PHKA1: variants seen among roughly 807,000 people sequenced by gnomAD.
PHKA1 encodes phosphorylase b kinase regulatory subunit alpha, skeletal muscle isoform.
PHKA1 carries 60 observed loss-of-function variants against 110.2 expected under a neutral mutation model. The observed-to-expected ratio is 0.54, with a 90% CI of 0.44 to 0.68. The LOEUF (loss-of-function observed/expected upper bound fraction) is 0.68, where lower values mean the gene tolerates loss of function less well. PHKA1 is among the 30% of genes least tolerant of loss of function. PHKA1 has a pLI of 0.00. For missense variants in PHKA1, 801 were observed against 942.5 expected, an observed-to-expected ratio of 0.85 and a Z score of 1.97; for synonymous variants, 316 against 333.6, an observed-to-expected ratio of 0.95 and a Z score of 0.58.
intron 21 of PHKA1, among the ~76,000 whole-genome samples, chrX:72,612,515 C>T (rs2052826807): frequency 8.9e-6 from 1 of 112,160 alleles, no homozygotes; most frequent in Non-Finnish European, 1.9e-5. Flanking sequence ...TGATAAATTT[C>T]ACACACGTGA....
In PHKA1 at chrX:72,652,523, A is replaced by C. The variant is rs782754267; in HGVS notation, c.1245+21T>G. 2.6e-5 allele frequency: 23 copies of C among 894,967 alleles called. No homozygotes were observed. The African/African-American group carries it at 3.5e-4, about 14-fold the overall frequency. 73.8% of individuals were successfully genotyped at this position (894,967 alleles called of 1,213,427 possible). A position where few individuals can be genotyped will look rare whatever the true frequency, so the allele number is the denominator to read the frequency against. On this transcript the variant is annotated intron_variant, in intron 12 of 31. Coordinates refer to ENST00000373542, the MANE Select transcript of PHKA1 (RefSeq NM_002637.4). ...GACTTAAGGCAGAAAAAAGTGGGAC[A>C]GCCTTGAAGATTCCTCTTACCTCTG...
rs1383592344 is a variant in PHKA1 at position 72,654,051 on chromosome X, CTG to C, written c.1042-523_1042-522del. On this transcript the variant is annotated intron_variant, in intron 10 of 31. Transcript: ENST00000373542. The stretch of plus-strand genomic sequence containing the variant: ...GTAAAAAAAAAAACAAAACCCAAAA[CTG>C]TAATTTATGATGAAAAAAAAAAATA... 1.8e-3 allele frequency among the ~76,000 whole-genome samples: 188 copies of C among 104,502 alleles called. 1 individual carries two copies. The highest frequency in any genetic ancestry group is 9.4e-3 in the Middle Eastern group (2 of 213). The allele number at this position is 104,502 out of a possible 115,157, so 90.7% of individuals were successfully genotyped here. A position where few individuals can be genotyped will look rare whatever the true frequency, so the allele number is the denominator to read the frequency against.
intron 8 of PHKA1, among the ~76,000 whole-genome samples, chrX:72,665,271 C>T (rs992049630): frequency 3.6e-5 from 4 of 111,240 alleles, no homozygotes; most frequent in Admixed American, 9.6e-5. Context: ...AAAGTATATG[C>T]CAAGAAATTG....
chrX:72,632,393 A>G (rs1211242731), intron 16 of PHKA1, among the ~76,000 whole-genome samples: 1 of 111,848 alleles, frequency 8.9e-6, no homozygotes, highest in Non-Finnish European at 1.9e-5. Flanking sequence ...TGTACTATTT[A>G]TCAATATAAA....
rs187215403 is a variant in PHKA1 at position 72,650,736 on chromosome X, T to C, written c.1246-268A>G. Among the ~76,000 whole-genome samples the C allele has an allele frequency of 5.7e-4, 64 of 112,223 alleles. 1 individual carries two copies. Among genetic ancestry groups the C allele is most frequent in the African/African-American group, 2.1e-3 (64 of 30,931 alleles). The stretch of plus-strand genomic sequence containing the variant: ...ATGTAGGGTATAATTTGTTTTCTTT[T>C]TTTGAGACAGGGTCTTTCTCTGTCA... On this transcript the variant is annotated intron_variant, in intron 12 of 31. Transcript: ENST00000373542.
At chrX:72,622,463 A>G in intron 18 of PHKA1, 4 of 754,210 alleles carry the variant, frequency 5.3e-6, no homozygotes, top group Non-Finnish European at 6.3e-6. Flanking sequence ...TTCAAGCAAC[A>G]TAATGCCTGC....
chrX:72,707,180 C>T (rs2054297171), intron 2 of PHKA1, among the ~76,000 whole-genome samples: 1 of 112,019 alleles, frequency 8.9e-6, no homozygotes. Flanking sequence ...ACCTCTTTCT[C>T]TCTACCCCCA....
At chrX:72,633,300 G>A (rs1441532817) in intron 16 of PHKA1, among the ~76,000 whole-genome samples, 1 of 110,627 alleles carries the variant, frequency 9.0e-6, no homozygotes, top group African/African-American at 3.3e-5. Flanking sequence ...CTTATAAAAG[G>A]GCTTAAGAGA....
At chrX:72,706,253 G>C in intron 2 of PHKA1, among the ~76,000 whole-genome samples, 1 of 111,711 alleles carries the variant, frequency 9.0e-6, no homozygotes, top group Non-Finnish European at 1.9e-5. Context: ...AGTCATTTCT[G>C]TCTATAAATG....
intron 28 of PHKA1, among the ~76,000 whole-genome samples, chrX:72,597,039 T>C (rs1424483487): frequency 8.9e-6 from 1 of 112,272 alleles, no homozygotes; most frequent in Non-Finnish European, 1.9e-5. Context: ...CAAATGGTGC[T>C]GGAACAGTGA....
rs781909903 is a variant in PHKA1 at position 72,608,954 on chromosome X, T to A, written c.2606+670A>T. 1.1e-3 allele frequency among the ~76,000 whole-genome samples: 126 copies of A among 112,309 alleles called. No homozygotes were observed. In the South Asian group the frequency reaches 0.013, roughly 12 times the overall value. ...AAATATTTCTTGGAGATACAGACTG[T>A]TTGCAAGATTTAAATTTTGGCACTG... On this transcript the variant is annotated intron_variant, in intron 23 of 31. Transcript: ENST00000373542.
At chrX:72,590,392 A>T (rs1357633866) in intron 29 of PHKA1, among the ~76,000 whole-genome samples, 1 of 112,093 alleles carries the variant, frequency 8.9e-6, no homozygotes, top group Non-Finnish European at 1.9e-5. Flanking sequence ...CTGAAACTGG[A>T]TCCCTTCTTT....
chrX:72,680,655 C>T (rs868939533), intron 5 of PHKA1, among the ~76,000 whole-genome samples: 1 of 108,207 alleles, frequency 9.2e-6, no homozygotes, highest in African/African-American at 3.5e-5. Context: ...CGCTGCGGCC[C>T]GGGGCAGTGC....
chrX:72,628,530 CTAAGA>C (rs1457219262), intron 16 of PHKA1, among the ~76,000 whole-genome samples: 4 of 104,259 alleles, frequency 3.8e-5, no homozygotes, highest in Non-Finnish European at 7.8e-5. Flanking sequence ...TCTCTTCAAC[CTAAGA>C]TAACAAAAAT....
intron 29 of PHKA1, among the ~76,000 whole-genome samples, chrX:72,586,171 G>A (rs1398640377): frequency 1.8e-5 from 2 of 111,834 alleles, no homozygotes; most frequent in Non-Finnish European, 3.8e-5. Flanking sequence ...CCTCCTACTA[G>A]GGGCTGAATG....
chrX:72,596,817 G>A (rs1160439763), intron 28 of PHKA1, among the ~76,000 whole-genome samples: 1 of 111,487 alleles, frequency 9.0e-6, no homozygotes, highest in Non-Finnish European at 1.9e-5. Context: ...AAAGAAGACT[G>A]AAGTTGGAGA....
At chrX:72,621,073 A>G (rs1556277239) in intron 18 of PHKA1, among the ~76,000 whole-genome samples, 172 bp from the exon 19 acceptor site, 1 of 111,817 alleles carries the variant, frequency 8.9e-6, no homozygotes, top group Admixed American at 9.5e-5. Context: ...TAACCTCATC[A>G]CTTTAAGATC....
chrX:72,703,602 G>T (rs782268471), intron 3 of PHKA1, among the ~76,000 whole-genome samples: 3 of 111,477 alleles, frequency 2.7e-5, no homozygotes, highest in Non-Finnish European at 5.6e-5. Flanking sequence ...GATCACTTGA[G>T]CCCAGAGGCC....
At chrX:72,611,981 C>G (rs1170381038) in intron 21 of PHKA1, among the ~76,000 whole-genome samples, 2 of 111,731 alleles carry the variant, frequency 1.8e-5, no homozygotes, top group African/African-American at 6.5e-5. Context: ...ACTAGTTATA[C>G]AGTCAATAGA....
Sources: gnomAD v4.1 joint callset for allele counts (sites outside exome capture counted in the v4.1 genomes callset) on GRCh38, gnomAD v4.1.1 for gene constraint, MANE v1.5 for transcripts, NCBI Gene and HGNC (gene_info 2026-07-23, HGNC 2026-07-21) for gene names.